Variants in SLC25A31 observed in about 807,000 individuals in gnomAD.
SLC25A31 encodes solute carrier family 25 member 31.
SLC25A31 carries 40 observed loss-of-function variants against 36.2 expected under a neutral mutation model. That is an observed-to-expected ratio of 1.10 (90% CI 0.86 to 1.44). SLC25A31 has a LOEUF of 1.44. Ranked by LOEUF, SLC25A31 falls within the 40% of genes most tolerant of loss-of-function variation. The pLI, the probability that SLC25A31 is intolerant of heterozygous loss-of-function variation, is 0.00. For synonymous variants in SLC25A31, 143 were observed against 149.7 expected, an observed-to-expected ratio of 0.96 and a Z score of 0.32; for missense variants, 350 against 397.1, an observed-to-expected ratio of 0.88 and a Z score of 1.01.
In SLC25A31 at chr4:127,770,973, T is replaced by G. The variant is rs1310190928; in HGVS notation, c.759+2096T>G. Among the ~76,000 whole-genome samples, 86 of 146,052 alleles carry G rather than the reference T, an allele frequency of 5.9e-4. No individual in the cohort carries two copies. In the South Asian group the frequency reaches 9.9e-3, roughly 17 times the overall value. On this transcript the variant is annotated intron_variant, in intron 5 of 5. Transcript: ENST00000281154. ...TCTTTTTTTTTTTTTTTTTTTTTTT[T>G]GGAGATGGAGTCTCACTGTGTCGCC...
intron 5 of SLC25A31, among the ~76,000 whole-genome samples, chr4:127,773,068 C>T (rs1732395971): frequency 6.6e-6 from 1 of 152,136 alleles, no homozygotes; most frequent in South Asian, 2.1e-4. Flanking sequence ...CAGGCATGAG[C>T]CACCATGCCT....
chr4:127,735,485 A>G lies in SLC25A31; in HGVS notation c.232+4708A>G, dbSNP rs535203157. 3.3e-5 allele frequency among the ~76,000 whole-genome samples: 5 copies of G among 152,196 alleles called. No homozygotes were observed. In the East Asian group the frequency reaches 9.7e-4, roughly 29 times the overall value. On this transcript the variant is annotated intron_variant, in intron 1 of 5. Transcript: ENST00000281154. ...TTTTTGTTTACAGTTTTTTATTGCT[A>G]ACAGACATAGTTATTTGCTACCTGT...
chr4:127,755,017 C>T (rs1203999642), intron 2 of SLC25A31, among the ~76,000 whole-genome samples: 1 of 152,076 alleles, frequency 6.6e-6, no homozygotes, highest in African/African-American at 2.4e-5. Flanking sequence ...TGATTCTTGA[C>T]AAAGAAGCCA....
intron 4 of SLC25A31, among the ~76,000 whole-genome samples, chr4:127,767,530 G>C (rs1218201089): frequency 6.6e-6 from 1 of 152,074 alleles, no homozygotes; most frequent in Non-Finnish European, 1.5e-5. Context: ...ATATGGAAAG[G>C]CATCTTCTAA....
intron 1 of SLC25A31, among the ~76,000 whole-genome samples, chr4:127,732,483 T>G (rs1731545436): frequency 6.6e-6 from 1 of 152,210 alleles, no homozygotes; most frequent in Non-Finnish European, 1.5e-5. Context: ...TTCGTTTATA[T>G]TCTAAGACTT....
At chr4:127,760,872 T>C (rs1204035625) in intron 2 of SLC25A31, among the ~76,000 whole-genome samples, 1 of 152,092 alleles carries the variant, frequency 6.6e-6, no homozygotes, top group South Asian at 2.1e-4. Flanking sequence ...ACCCCGTCTC[T>C]ACTAAAAATA....
intron 1 of SLC25A31, among the ~76,000 whole-genome samples, chr4:127,740,099 G>A (rs1477783874): frequency 1.3e-5 from 2 of 152,004 alleles, no homozygotes; most frequent in African/African-American, 4.8e-5. Context: ...TTGCTTGACC[G>A]CTAGTGTGAT....
Position 127,773,598 on chromosome 4 carries a change from C to T in SLC25A31, c.*24C>T. 3 of 1,522,194 alleles carry T rather than the reference C, an allele frequency of 2.0e-6. No homozygotes were observed. The highest frequency in any genetic ancestry group is 2.6e-6 in the Non-Finnish European group (3 of 1,132,992). 94.3% of individuals were successfully genotyped at this position (1,522,194 alleles called of 1,614,324 possible). ...AATCGGGAGAGTAAATTAAGAAATA[C>T]ATGGATTTAACTTGTTAAACATACA... On this transcript the variant is annotated 3_prime_UTR_variant, in exon 6 of 6. Coordinates refer to ENST00000281154, the MANE Select transcript of SLC25A31 (RefSeq NM_031291.4).
chr4:127,768,583 T>C (rs1732290211), intron 4 of SLC25A31, among the ~76,000 whole-genome samples, 169 bp from the exon 5 acceptor site: 1 of 152,178 alleles, frequency 6.6e-6, no homozygotes, highest in Non-Finnish European at 1.5e-5. Flanking sequence ...TATAGTCATG[T>C]GTGGCATTCC....
intron 1 of SLC25A31, among the ~76,000 whole-genome samples, chr4:127,740,700 A>C (rs1461477584): frequency 1.3e-5 from 2 of 152,054 alleles, no homozygotes; most frequent in Non-Finnish European, 2.9e-5. Flanking sequence ...TGCCTGCCTG[A>C]GTGTGAAGCT....
At chr4:127,767,262 T>A in intron 4 of SLC25A31, 42 bp downstream of exon 4, 1 of 1,368,542 alleles carries the variant, frequency 7.3e-7, no homozygotes, top group Non-Finnish European at 9.7e-7. Flanking sequence ...AATATATGGT[T>A]TCCATTTATT....
rs150965807 is a variant in SLC25A31, at chr4:127,753,320, GA to G, written c.360+8530del. On this transcript the variant is annotated intron_variant, in intron 2 of 5. Coordinates refer to ENST00000281154, the MANE Select transcript of SLC25A31 (RefSeq NM_031291.4). The stretch of plus-strand genomic sequence containing the variant: ...TAAGCCCAAACTCAGTTGAAGGAAG[GA>G]AAAAAAAATCACAATAGAAATAAAT... 1.4e-4 allele frequency among the ~76,000 whole-genome samples: 21 copies of G among 149,106 alleles called. No individual in the cohort carries two copies. The East Asian group carries it at 1.8e-3, about 12-fold the overall frequency.
At chr4:127,764,473 G>A (rs1732202375) in intron 3 of SLC25A31, 113 bp downstream of exon 3, 1 of 844,672 alleles carries the variant, frequency 1.2e-6, no homozygotes, top group Non-Finnish European at 1.8e-6. Flanking sequence ...TACGAACTTT[G>A]TTCTCAACCA....
Position 127,747,309 on chromosome 4 carries a change from G to C in SLC25A31, c.360+2510G>C, listed in dbSNP as rs558770129. On this transcript the variant is annotated intron_variant, in intron 2 of 5. Transcript: ENST00000281154. Reference sequence around the variant, plus strand: ...TTCTAGTTCTCTGAAGAATGTCATTGGTAGTTTGATAGGAATAGCATTGAA... The same window carrying C: ...TTCTAGTTCTCTGAAGAATGTCATTCGTAGTTTGATAGGAATAGCATTGAA... Among the ~76,000 whole-genome samples the C allele has an allele frequency of 3.3e-5, 5 of 152,234 alleles. No individual in the cohort carries two copies. The South Asian group carries it at 1.0e-3, about 32-fold the overall frequency.
chr4:127,769,668 A>C (rs1190308547), intron 5 of SLC25A31, among the ~76,000 whole-genome samples: 1 of 152,230 alleles, frequency 6.6e-6, no homozygotes, highest in Admixed American at 6.5e-5. Context: ...CCAAATTCAT[A>C]GTCTAATATT....
At chr4:127,756,380 A>G (rs1253301231) in intron 2 of SLC25A31, among the ~76,000 whole-genome samples, 1 of 152,130 alleles carries the variant, frequency 6.6e-6, no homozygotes, top group African/African-American at 2.4e-5. Flanking sequence ...GGAATTTTAA[A>G]ATTTTGATCT....
At chr4:127,739,482 C>G (rs1731693082) in intron 1 of SLC25A31, among the ~76,000 whole-genome samples, 1 of 152,144 alleles carries the variant, frequency 6.6e-6, no homozygotes, top group Non-Finnish European at 1.5e-5. Flanking sequence ...ATGGGTTTCT[C>G]TTTGTACATG....
intron 2 of SLC25A31, among the ~76,000 whole-genome samples, chr4:127,749,146 A>G (rs1304860320): frequency 5.3e-5 from 8 of 152,170 alleles, no homozygotes; most frequent in Non-Finnish European, 1.0e-4. Flanking sequence ...GAAAAAGCTC[A>G]GTAGAGAGCT....
intron 3 of SLC25A31, among the ~76,000 whole-genome samples, chr4:127,765,482 CAG>C (rs1732223657): frequency 6.6e-6 from 1 of 152,022 alleles, no homozygotes; most frequent in Non-Finnish European, 1.5e-5. Flanking sequence ...ATTAATGTAA[CAG>C]AGTTTCTTTA....
Sources: allele counts gnomAD v4.1 joint callset (sites outside exome capture counted in the v4.1 genomes callset), GRCh38; gene constraint gnomAD v4.1.1; transcripts MANE v1.5; gene names NCBI Gene and HGNC (gene_info 2026-07-23, HGNC 2026-07-21).